Variants in LIN52 observed in about 807,000 individuals in gnomAD.
The protein encoded by LIN52 is lin-52 DREAM MuvB core complex component, also known as protein lin-52 homolog.
Under a neutral mutation model 18.5 loss-of-function variants are expected in LIN52, and 4 were observed. The ratio of observed to expected loss-of-function variants is 0.22; its 90% CI spans 0.11 to 0.49. The LOEUF is 0.49. Among genes scored for constraint, LIN52 ranks in the 20% least tolerant of loss-of-function variants. The pLI, the probability that LIN52 is intolerant of heterozygous loss-of-function variation, is 0.97. For missense variants in LIN52, 102 were observed against 139.5 expected (o/e 0.73, Z 1.35); for synonymous variants, 34 against 45.5 (o/e 0.75, Z 1.02).
chr14:74,196,972 A>G (rs1426534924), intron 5 of LIN52, among the ~76,000 whole-genome samples: 2 of 152,136 alleles, frequency 1.3e-5, no homozygotes, highest in Non-Finnish European at 2.9e-5. Context: ...AGCCCATGCT[A>G]CCTCCTATGG....
At chr14:74,124,810 C>CAAAAAAAAAA (rs5809648) in intron 5 of LIN52, among the ~76,000 whole-genome samples, 7 of 59,448 alleles carry the variant, frequency 1.2e-4, no homozygotes, top group South Asian at 8.4e-4. Flanking sequence ...GACCCTGTCT[C>CAAAAAAAAAA]AAAAAAAAAA....
intron 5 of LIN52, among the ~76,000 whole-genome samples, chr14:74,105,446 A>G (rs1161851357): frequency 2.0e-5 from 3 of 152,216 alleles, no homozygotes; most frequent in African/African-American, 4.8e-5. Flanking sequence ...TTCCTTGACC[A>G]TCGTGAATTT....
intron 1 of LIN52, among the ~76,000 whole-genome samples, chr14:74,089,454 C>T (rs925554508): frequency 6.6e-6 from 1 of 151,428 alleles, no homozygotes; most frequent in Non-Finnish European, 1.5e-5. Flanking sequence ...CTGCAGCTGC[C>T]ACCTCTGGGC....
chr14:74,096,454 T>C (rs1414454679), intron 3 of LIN52, among the ~76,000 whole-genome samples: 1 of 151,868 alleles, frequency 6.6e-6, no homozygotes, highest in Non-Finnish European at 1.5e-5. Flanking sequence ...CAGCCTCCCA[T>C]AGCATTAGGA....
chr14:74,153,197 C>G lies in LIN52; in HGVS notation c.284-45725C>G, dbSNP rs1254700762. 2.6e-5 allele frequency among the ~76,000 whole-genome samples: 4 copies of G among 152,186 alleles called. No homozygotes were observed. The Middle Eastern group carries it at 0.01, about 388-fold the overall frequency. The stretch of plus-strand genomic sequence containing the variant: ...GCAGATTGTTTCTTGAAGATTCAGA[C>G]AAGGAGAGGAACACAGTAAAGGATG... On this transcript the variant is annotated intron_variant, in intron 5 of 5. Coordinates refer to ENST00000555028, the MANE Select transcript of LIN52 (RefSeq NM_001024674.3).
chr14:74,112,707 A>C (rs2060937303), intron 5 of LIN52, among the ~76,000 whole-genome samples: 2 of 152,254 alleles, frequency 1.3e-5, no homozygotes. Context: ...TTTGAATAAC[A>C]AAAGAATGAA....
intron 5 of LIN52, among the ~76,000 whole-genome samples, chr14:74,114,667 T>C (rs950470201): frequency 6.6e-6 from 1 of 152,180 alleles, no homozygotes; most frequent in Admixed American, 6.5e-5. Flanking sequence ...TTTATTTTCT[T>C]AGAAATAAGT....
chr14:74,129,434 G>A (rs1333953963), intron 5 of LIN52, among the ~76,000 whole-genome samples: 4 of 152,200 alleles, frequency 2.6e-5, no homozygotes, highest in Non-Finnish European at 4.4e-5. Context: ...TTGGAAGAGA[G>A]CTACTTTGTC....
At position 74,123,649 on chromosome 14, in the gene LIN52, C is replaced by T. The variant is rs553428119; in HGVS notation, c.283+22411C>T. Among the ~76,000 whole-genome samples the T allele has an allele frequency of 1.1e-4, 17 of 152,214 alleles. 1 individual carries two copies. The East Asian group carries it at 3.3e-3, about 29-fold the overall frequency. On this transcript the variant is annotated intron_variant, in intron 5 of 5. Transcript: ENST00000555028. ...ATATAGAACCGTGGTGTGGTAGGCA[C>T]CCTCTAAGACGGTCCCCAGTGATCC... is the stretch of plus-strand genomic sequence containing the variant.
chr14:74,106,215 C>G (rs1457890311), intron 5 of LIN52, among the ~76,000 whole-genome samples: 2 of 152,170 alleles, frequency 1.3e-5, no homozygotes, highest in African/African-American at 4.8e-5. Flanking sequence ...CACCTTCTAG[C>G]TGGTCCCTCT....
At chr14:74,090,700 G>T (rs2060767702) in intron 1 of LIN52, among the ~76,000 whole-genome samples, 1 of 152,104 alleles carries the variant, frequency 6.6e-6, no homozygotes, top group Non-Finnish European at 1.5e-5. Context: ...TTTTTAAAGA[G>T]ATTTTTAAAG....
chr14:74,159,791 C>CG (rs1233153080), intron 5 of LIN52, among the ~76,000 whole-genome samples: 1 of 152,060 alleles, frequency 6.6e-6, no homozygotes, highest in Non-Finnish European at 1.5e-5. Flanking sequence ...AGGCTGGTCT[C>CG]GAACTCGTGA....
intron 5 of LIN52, among the ~76,000 whole-genome samples, chr14:74,163,893 A>G (rs1595181078): frequency 6.6e-6 from 1 of 152,202 alleles, no homozygotes; most frequent in Non-Finnish European, 1.5e-5. Flanking sequence ...TCTCTCCCAC[A>G]AAAGACTGGA....
chr14:74,107,984 A>G (rs1465947364), intron 5 of LIN52, among the ~76,000 whole-genome samples: 2 of 152,134 alleles, frequency 1.3e-5, no homozygotes, highest in South Asian at 2.1e-4. Context: ...CAACATTTTC[A>G]TCACCTGAAA....
intron 5 of LIN52, among the ~76,000 whole-genome samples, chr14:74,139,195 C>A (rs2061115392): frequency 6.6e-6 from 1 of 152,188 alleles, no homozygotes; most frequent in African/African-American, 2.4e-5. Flanking sequence ...ATTTAAATCA[C>A]CTGGCCTGGC....
intron 5 of LIN52, among the ~76,000 whole-genome samples, chr14:74,193,742 A>G (rs1025315435): frequency 1.3e-5 from 2 of 152,058 alleles, no homozygotes; most frequent in African/African-American, 4.8e-5. Context: ...ATAACTTGGT[A>G]ATTTGCCTAT....
chr14:74,097,774 G>T lies in LIN52; in HGVS notation c.133-20G>T, dbSNP rs367963021. On this transcript the variant is annotated intron_variant, in intron 3 of 5. Transcript: ENST00000555028. ...CTCACACTTTTTATGTGTCTGAATG[G>T]ATATATTATTTTTTGACAGCCTATT... 4.2e-5 allele frequency: 66 copies of T among 1,557,654 alleles called. No individual in the cohort carries two copies. The African/African-American group carries it at 7.2e-4, about 17-fold the overall frequency.
chr14:74,148,965 C>T (rs1041941306), intron 5 of LIN52, among the ~76,000 whole-genome samples: 5 of 152,212 alleles, frequency 3.3e-5, no homozygotes, highest in Non-Finnish European at 5.9e-5. Flanking sequence ...TTGATTTCAG[C>T]TTTCCATGGT....
intron 4 of LIN52, among the ~76,000 whole-genome samples, chr14:74,099,173 ATT>A (rs1368578642): frequency 6.6e-6 from 1 of 152,208 alleles, no homozygotes; most frequent in Non-Finnish European, 1.5e-5. Context: ...ATAGACTGAA[ATT>A]AAGGTAAAAA....
Sources: gnomAD v4.1 joint callset for allele counts (sites outside exome capture counted in the v4.1 genomes callset) on GRCh38, gnomAD v4.1.1 for gene constraint, MANE v1.5 for transcripts, NCBI Gene and HGNC (gene_info 2026-07-23, HGNC 2026-07-21) for gene names.